The following PHLDB1 variants were observed in gnomAD, a reference collection of about 807,000 sequenced individuals.
The protein encoded by PHLDB1 is pleckstrin homology like domain family B member 1, also known as pleckstrin homology-like domain family B member 1.
PHLDB1 carries 65 observed loss-of-function variants against 139.3 expected under a neutral mutation model. That is an observed-to-expected ratio of 0.47 (90% CI 0.38 to 0.57). PHLDB1 has a LOEUF of 0.57. Ranked by LOEUF, PHLDB1 falls within the 20% of genes least tolerant of loss-of-function variation. The pLI is 0.00. For missense variants in PHLDB1, 1,624 were observed against 1,839.7 expected, an observed-to-expected ratio of 0.88 and a Z score of 2.14; for synonymous variants, 679 against 734.5, an observed-to-expected ratio of 0.92 and a Z score of 1.22.
At position 118,642,272 on chromosome 11, in the gene PHLDB1, C is replaced by G; in HGVS notation, c.2755C>G (p.Pro919Ala). The part of the protein sequence containing the change: ...TLKEMEKLLL[P>A]AVDLEQWYQE... ...CCTCCAGATGGAGAAGCTGCTGCTCCCTGCTGTAGACTTAGAGCAGTGGTA... is the reference window on the plus strand; with the variant it reads ...CCTCCAGATGGAGAAGCTGCTGCTCGCTGCTGTAGACTTAGAGCAGTGGTA... Residue 919 changes from proline to alanine, a missense_variant, in exon 13 of 23, where the codon CCT (proline) becomes GCT (alanine). Coordinates refer to ENST00000600882, the MANE Select transcript of PHLDB1 (RefSeq NM_001144758.3). The G allele has an allele frequency of 6.2e-7, 1 of 1,613,138 alleles. No homozygotes were observed. Among genetic ancestry groups the G allele is most frequent in the Non-Finnish European group, 8.5e-7 (1 of 1,179,982 alleles).
At chr11:118,646,636 G>C (rs1245517785) in intron 17 of PHLDB1, 1 of 152,186 alleles carries the variant, frequency 6.6e-6, no homozygotes, top group Non-Finnish European at 1.5e-5. Context: ...GCACGGAGCT[G>C]GGATTCAGCA....
chr11:118,614,829 C>G (rs1319747286), intron 3 of PHLDB1, 147 bp downstream of exon 3: 1 of 719,688 alleles, frequency 1.4e-6, no homozygotes, highest in Non-Finnish European at 2.3e-6. Context: ...TCCCTTGTCT[C>G]TGCCTCCCCA....
intron 4 of PHLDB1, among the ~76,000 whole-genome samples, chr11:118,617,039 C>T (rs369143248): frequency 9.2e-5 from 14 of 151,890 alleles, no homozygotes; most frequent in East Asian, 3.8e-4. Flanking sequence ...AGCAAGACTC[C>T]GTCTCAAAAA....
intron 4 of PHLDB1, chr11:118,621,579 C>G (rs1198936220): frequency 6.6e-6 from 1 of 152,264 alleles, no homozygotes; most frequent in African/African-American, 2.4e-5. Context: ...CCCCAAGCAG[C>G]CAAGCTTGGA....
At position 118,616,026 on chromosome 11, in the gene PHLDB1, G is replaced by T. The variant is rs1047406488; in HGVS notation, c.185-15G>T. On this transcript the variant is annotated splice_polypyrimidine_tract_variant and intron_variant, in intron 3 of 22. Transcript: ENST00000600882. The stretch of plus-strand genomic sequence containing the variant: ...CTGGACAACCCCTCTGATTCAGTTT[G>T]CCTCTTGTCTCCAGGGAGGACGGTG... 6.2e-7 allele frequency: 1 copy of T among 1,607,194 alleles called. No homozygotes were observed. The highest frequency in any genetic ancestry group is 1.7e-4 in the Middle Eastern group (1 of 6,028).
chr11:118,645,806 A>T lies in PHLDB1; in HGVS notation c.3488A>T (p.Asn1163Ile). The T allele has an allele frequency of 6.2e-7, 1 of 1,612,402 alleles. No homozygotes were observed. The highest frequency in any genetic ancestry group is 8.5e-7 in the Non-Finnish European group (1 of 1,178,564). The change falls in exon 17 of 23, where the codon AAC (asparagine) becomes ATC (isoleucine). Residue 1163 changes from asparagine (N) to isoleucine (I), a missense_variant. Coordinates refer to ENST00000600882, the MANE Select transcript of PHLDB1 (RefSeq NM_001144758.3). The surrounding 1 kb of genome is among the most constrained non-coding windows in gnomAD (Gnocchi z 5.1). The part of the protein sequence containing the change: ...KMLKEAHAEK[N>I]RLMESREREM... ...CTGAAAGAGGCTCATGCAGAGAAGA[A>T]CCGGCTCATGGAGTCGAGGGTGAGT...
At chr11:118,631,545 G>A (rs1591604429) in intron 7 of PHLDB1, 66 bp downstream of exon 7, 1 of 1,330,754 alleles carries the variant, frequency 7.5e-7, no homozygotes, top group East Asian at 2.6e-5. Flanking sequence ...GAGGAGGCTG[G>A]TGTATCCAAT....
At chr11:118,636,984 T>G (rs1273787817) in intron 10 of PHLDB1, 1 of 152,200 alleles carries the variant, frequency 6.6e-6, no homozygotes, top group African/African-American at 2.4e-5. Context: ...ATGCTCCTCC[T>G]TAGGAACCTT....
chr11:118,626,245 T>C (rs375690497), intron 5 of PHLDB1, among the ~76,000 whole-genome samples: 2 of 141,598 alleles, frequency 1.4e-5, no homozygotes, highest in South Asian at 4.5e-4. Context: ...TTTCTTTTTC[T>C]TTTTTTTTTT....
chr11:118,645,170 C>A lies in PHLDB1; in HGVS notation c.3122-186C>A, dbSNP rs782184055. 53 of 504,924 alleles carry A rather than the reference C, an allele frequency of 1.0e-4. No homozygotes were observed. The highest frequency in any genetic ancestry group is 1.0e-5 in the Non-Finnish European group (3 of 290,332). 31.3% of individuals were successfully genotyped at this position (504,924 alleles called of 1,614,324 possible). A position where few individuals can be genotyped will look rare whatever the true frequency, so the allele number is the denominator to read the frequency against. On this transcript the variant is annotated intron_variant, in intron 15 of 22. Coordinates refer to ENST00000600882, the MANE Select transcript of PHLDB1 (RefSeq NM_001144758.3). This position sits in a 1 kb window ranked among gnomAD's most constrained non-coding sequence, Gnocchi z 5.1. Reference sequence around the variant, plus strand: ...GTGCATCTGTGGCCGGTTGTGCAGGCGACTGAAGCATTGGCAGAGCAGCCA... The same window carrying A: ...GTGCATCTGTGGCCGGTTGTGCAGGAGACTGAAGCATTGGCAGAGCAGCCA...
intron 9 of PHLDB1, 132 bp from the exon 10 acceptor site, chr11:118,635,261 G>A (rs1291664580): frequency 9.6e-7 from 1 of 1,043,658 alleles, no homozygotes. Context: ...AGCGGGAGCT[G>A]GGGGGAGGCA....
At chr11:118,617,987 T>A (rs886479860) in intron 4 of PHLDB1, among the ~76,000 whole-genome samples, 1 of 152,076 alleles carries the variant, frequency 6.6e-6, no homozygotes, top group Non-Finnish European at 1.5e-5. Flanking sequence ...AAGAACATTG[T>A]TCCCCTGCAT....
At chr11:118,641,766 C>T in intron 12 of PHLDB1, 11 of 1,289,732 alleles carry the variant, frequency 8.5e-6, no homozygotes, top group South Asian at 1.2e-5. Context: ...CGTTCGCTTC[C>T]ATCACGCCTT....
At chr11:118,648,144 C>T (rs1434183941) in intron 18 of PHLDB1, 68 bp downstream of exon 18, 9 of 1,478,854 alleles carry the variant, frequency 6.1e-6, no homozygotes, top group Admixed American at 5.5e-5. Flanking sequence ...TGGGGAGATC[C>T]CAGGGTTTCT....
At position 118,650,149 on chromosome 11, in the gene PHLDB1, G is replaced by A. The variant is rs1555134719; in HGVS notation, c.3727G>A (p.Gly1243Ser). The A allele has an allele frequency of 1.2e-6, 2 of 1,614,152 alleles. No homozygotes were observed. The highest frequency in any genetic ancestry group is 1.7e-6 in the Non-Finnish European group (2 of 1,179,990). ...CCTGAAGACACATATTGAGTCATCGGGCCATGGTGTTGATACCTGCCTGCA... is the reference window on the plus strand; with the variant it reads ...CCTGAAGACACATATTGAGTCATCGAGCCATGGTGTTGATACCTGCCTGCA... ...FDLKTHIESS[G>S]HGVDTCLHVV... Residue 1243 changes from glycine (G) to serine (S), a missense_variant, in exon 19 of 23, where the codon GGC (glycine) becomes AGC (serine). By Grantham distance (56) the Gly-to-Ser change is moderately conservative. Transcript: ENST00000600882. This position sits in a 1 kb window ranked among gnomAD's most constrained non-coding sequence, Gnocchi z 4.7.
intron 4 of PHLDB1, among the ~76,000 whole-genome samples, chr11:118,616,483 A>T (rs1555089762): frequency 6.7e-6 from 1 of 148,800 alleles, no homozygotes; most frequent in Non-Finnish European, 1.5e-5. Context: ...CCGCCATCAG[A>T]GGGCCTGGGG....
rs1555107070 is a variant in PHLDB1 at position 118,628,667 on chromosome 11, G to A, written c.1827+17G>A. On this transcript the variant is annotated intron_variant, in intron 6 of 22. Coordinates refer to ENST00000600882, the MANE Select transcript of PHLDB1 (RefSeq NM_001144758.3). ...GAGAGGCTGGTGAGCGGGTGCCAGG[G>A]AGGCTTGCCACTGTCCATGGCAGAG... 4 of 1,597,932 alleles carry A rather than the reference G, an allele frequency of 2.5e-6. No homozygotes were observed. The highest frequency in any genetic ancestry group is 4.5e-5 in the East Asian group (2 of 44,226).
Position 118,613,404 on chromosome 11 carries a change from G to A in PHLDB1, c.-21-412G>A, listed in dbSNP as rs115608962. 2,694 of 988,998 alleles carry A rather than the reference G, an allele frequency of 2.7e-3. 32 individuals carry two copies. The East Asian group carries it at 0.048, about 18-fold the overall frequency. The allele number at this position is 988,998 out of a possible 1,614,324, so 61.3% of individuals were successfully genotyped here. A position where few individuals can be genotyped will look rare whatever the true frequency, so the allele number is the denominator to read the frequency against. On this transcript the variant is annotated intron_variant, in intron 1 of 22. Coordinates refer to ENST00000600882, the MANE Select transcript of PHLDB1 (RefSeq NM_001144758.3). Reference sequence around the variant, plus strand: ...CTGCCACCTACCTGGGGGCCCTCTGGCTACCAGTGTCCTTGGAGGGGCTTC... The same window carrying A: ...CTGCCACCTACCTGGGGGCCCTCTGACTACCAGTGTCCTTGGAGGGGCTTC...
chr11:118,641,412 T>G, intron 12 of PHLDB1: 1 of 190,944 alleles, frequency 5.2e-6, no homozygotes, highest in South Asian at 8.6e-5. Flanking sequence ...CTTGGGAGCT[T>G]TCTTTAGCTC....
Sources: gnomAD v4.1 joint callset for allele counts (sites outside exome capture counted in the v4.1 genomes callset) on GRCh38, gnomAD v4.1.1 for gene constraint, Gnocchi (gnomAD v3.1) non-coding constraint, MANE v1.5 for transcripts, NCBI Gene and HGNC (gene_info 2026-07-23, HGNC 2026-07-21) for gene names.